The following USH2A variants were observed in gnomAD, a reference collection of about 807,000 sequenced individuals.
USH2A encodes usherin.
In USH2A, 443 loss-of-function variants were observed where a neutral mutation model predicts 538.9. The observed-to-expected ratio is 0.82, with a 90% CI of 0.76 to 0.89. USH2A has a LOEUF of 0.89. Among genes scored for constraint, USH2A ranks in the 40% least tolerant of loss-of-function variants. The pLI, the probability that USH2A is intolerant of heterozygous loss-of-function variation, is 0.00. For synonymous variants in USH2A, 2,413 were observed against 2,273.5 expected, an observed-to-expected ratio of 1.06 and a Z score of -1.75; for missense variants, 6,633 against 6,324.8, an observed-to-expected ratio of 1.05 and a Z score of -1.65.
rs376349339 is a variant in USH2A at position 215,758,282 on chromosome 1, G to A, written c.11389+313C>T. ...GCCTGGGCAACAAGAGTGAAACTCC[G>A]TCTCAAAAAAAAAAAAAAAATAGAT... On this transcript the variant is annotated intron_variant, in intron 58 of 71. Transcript: ENST00000307340. Among the ~76,000 whole-genome samples the A allele has an allele frequency of 0.012, 709 of 58,502 alleles. 14 individuals are homozygous for A. The highest frequency in any genetic ancestry group is 0.038 in the Middle Eastern group (4 of 106). The allele number at this position is 58,502 out of a possible 152,430, so 38.4% of individuals were successfully genotyped here.
chr1:216,064,810 G>A (rs1441279815), intron 30 of USH2A, among the ~76,000 whole-genome samples: 1 of 152,164 alleles, frequency 6.6e-6, no homozygotes, highest in African/African-American at 2.4e-5. Flanking sequence ...TAGGTGTGGA[G>A]TAGGCTATGT....
intron 61 of USH2A, among the ~76,000 whole-genome samples, chr1:215,706,907 C>G (rs1659200319): frequency 6.6e-6 from 1 of 151,768 alleles, no homozygotes; most frequent in Admixed American, 6.6e-5. Flanking sequence ...AATGAATAAA[C>G]AAAAAGAAAT....
chr1:216,217,590 T>C, intron 14 of USH2A, 40 bp from the exon 15 acceptor site: 1 of 1,607,848 alleles, frequency 6.2e-7, no homozygotes, highest in Non-Finnish European at 8.5e-7. Context: ...AGAATAGTGT[T>C]TTGATTAATA....
intron 30 of USH2A, among the ~76,000 whole-genome samples, chr1:216,066,541 C>T (rs1464226793): frequency 6.6e-6 from 1 of 152,110 alleles, no homozygotes; most frequent in Non-Finnish European, 1.5e-5. Flanking sequence ...CATAATGTTA[C>T]ACACTTTACA....
intron 32 of USH2A, among the ~76,000 whole-genome samples, chr1:216,044,262 C>T (rs1274745170): frequency 6.6e-6 from 1 of 152,086 alleles, no homozygotes; most frequent in Non-Finnish European, 1.5e-5. Context: ...TCTCAGAGGA[C>T]ATGTCTATTC....
chr1:216,143,939 G>C (rs940470583), intron 21 of USH2A, among the ~76,000 whole-genome samples: 15 of 152,070 alleles, frequency 9.9e-5, no homozygotes, highest in Middle Eastern at 6.3e-3. Context: ...CCAGACTGCC[G>C]TTTTGACTAT....
intron 4 of USH2A, among the ~76,000 whole-genome samples, chr1:216,363,751 A>T (rs1353825121): frequency 6.6e-6 from 1 of 152,068 alleles, no homozygotes; most frequent in Non-Finnish European, 1.5e-5. Context: ...GAATACAGCC[A>T]TTTTAAATGA....
At position 216,073,192 on chromosome 1, in the gene USH2A, G is replaced by T. The variant is rs757899154; in HGVS notation, c.5681C>A (p.Thr1894Asn). Reference protein sequence around the residue: ...VRVNLDGCLSTDSAVNCRGND... With the variant: ...VRVNLDGCLSNDSAVNCRGND... ...TCCCCTGCAGTTAACAGCACTGTCAGTTGATAGGCATCCATCCAGATTGAC... is the reference window on the plus strand; with the variant it reads ...TCCCCTGCAGTTAACAGCACTGTCATTTGATAGGCATCCATCCAGATTGAC... Residue 1894 changes from threonine (T) to asparagine (N), a missense_variant, in exon 28 of 72, where the codon ACT becomes AAT. By Grantham distance (65) the Thr-to-Asn change is moderately conservative (BLOSUM62 0). Transcript: ENST00000307340. The T allele has an allele frequency of 6.2e-7, 1 of 1,613,884 alleles. No homozygotes were observed.
At chr1:215,703,605 C>T (rs1009358333) in intron 61 of USH2A, among the ~76,000 whole-genome samples, 1 of 152,082 alleles carries the variant, frequency 6.6e-6, no homozygotes, top group African/African-American at 2.4e-5. Flanking sequence ...TGGCTTTGTT[C>T]ACACTGTGAG....
chr1:216,304,934 A>G (rs115052258), intron 9 of USH2A, among the ~76,000 whole-genome samples: 1,728 of 152,116 alleles, frequency 0.011, 26 homozygotes, highest in East Asian at 0.036. Context: ...TTTGTGGCCT[A>G]TCACATGGTG....
At chr1:215,670,518 G>A (rs1657780641) in intron 64 of USH2A, among the ~76,000 whole-genome samples, 1 of 152,152 alleles carries the variant, frequency 6.6e-6, no homozygotes, top group Non-Finnish European at 1.5e-5. Flanking sequence ...TCATCGCCAT[G>A]GGCAGGTGAG....
chr1:215,890,561 C>A (rs1417754601), intron 40 of USH2A, among the ~76,000 whole-genome samples: 1 of 152,068 alleles, frequency 6.6e-6, no homozygotes, highest in East Asian at 1.9e-4. Context: ...GAAGAGAAAT[C>A]CCTAAAAAAA....
At chr1:216,006,264 A>G (rs67417484) in intron 32 of USH2A, among the ~76,000 whole-genome samples, 1 of 152,052 alleles carries the variant, frequency 6.6e-6, no homozygotes, top group Non-Finnish European at 1.5e-5. Flanking sequence ...TCTGACCACA[A>G]ACTGGTTACT....
intron 32 of USH2A, among the ~76,000 whole-genome samples, chr1:216,021,514 T>C (rs1668844462): frequency 6.6e-6 from 1 of 152,176 alleles, no homozygotes; most frequent in Admixed American, 6.5e-5. Context: ...TTACCCAGTC[T>C]TGAGTATGTC....
intron 30 of USH2A, among the ~76,000 whole-genome samples, chr1:216,056,164 TGCC>T (rs1298583912): frequency 6.6e-5 from 10 of 152,204 alleles, no homozygotes; most frequent in African/African-American, 2.4e-4. Context: ...ACAGAGTCTT[TGCC>T]ATTTTTATTC....
chr1:215,842,405 C>G (rs1663706343), intron 46 of USH2A, among the ~76,000 whole-genome samples: 1 of 152,116 alleles, frequency 6.6e-6, no homozygotes, highest in South Asian at 2.1e-4. Context: ...TGTGGTGGGT[C>G]CTCAAAGACC....
At chr1:216,036,222 C>A (rs1322649779) in intron 32 of USH2A, among the ~76,000 whole-genome samples, 1 of 152,024 alleles carries the variant, frequency 6.6e-6, no homozygotes, top group African/African-American at 2.4e-5. Context: ...CCCGAAATTT[C>A]TTTCCTTTCT....
At chr1:216,333,117 T>C (rs1212151037) in intron 4 of USH2A, among the ~76,000 whole-genome samples, 1 of 151,944 alleles carries the variant, frequency 6.6e-6, no homozygotes, top group East Asian at 1.9e-4. Flanking sequence ...ATGACAATGA[T>C]GCTTTAGACA....
chr1:215,860,288 T>G (rs1290214217), intron 44 of USH2A, among the ~76,000 whole-genome samples: 1 of 152,208 alleles, frequency 6.6e-6, no homozygotes, highest in Admixed American at 6.5e-5. Flanking sequence ...CAATTATGTC[T>G]TCTAGATTTT....
Sources: allele counts gnomAD v4.1 joint callset (sites outside exome capture counted in the v4.1 genomes callset), GRCh38; gene constraint gnomAD v4.1.1; transcripts MANE v1.5; gene names NCBI Gene and HGNC (gene_info 2026-07-23, HGNC 2026-07-21).